Variants in GFRA1 observed in about 807,000 individuals in gnomAD.
The protein encoded by GFRA1 is GDNF family receptor alpha-1.
GFRA1 carries 16 observed loss-of-function variants against 51.6 expected under a neutral mutation model. That is an observed-to-expected ratio of 0.31 (90% CI 0.21 to 0.47). The LOEUF is 0.47. Ranked by LOEUF, GFRA1 falls within the 20% of genes least tolerant of loss-of-function variation. The pLI is 1.00. For missense variants in GFRA1, 530 were observed against 594.3 expected, an observed-to-expected ratio of 0.89 and a Z score of 1.13; for synonymous variants, 270 against 241.3, an observed-to-expected ratio of 1.12 and a Z score of -1.10.
rs1168472505 is a variant in GFRA1 at position 116,059,882 on chromosome 10, C to T, written c.*4516G>A. On this transcript the variant is annotated 3_prime_UTR_variant, in exon 11 of 11. Transcript: ENST00000355422. ...ATCATCTGGCTCCTGAGAGAGGCTT[C>T]TCTGTCTTAAAATATATCTGTTGGA... The T allele has an allele frequency of 6.6e-6, 1 of 152,164 alleles. No homozygotes were observed. Among genetic ancestry groups the T allele is most frequent in the African/African-American group, 2.4e-5 (1 of 41,432 alleles). The allele number at this position is 152,164 out of a possible 1,614,324, so 9.4% of individuals were successfully genotyped here.
intron 4 of GFRA1, among the ~76,000 whole-genome samples, chr10:116,241,330 C>T (rs750073526): frequency 6.6e-6 from 1 of 152,096 alleles, no homozygotes; most frequent in Non-Finnish European, 1.5e-5. Flanking sequence ...TGGAAGAAGC[C>T]GAGAAAACAG....
chr10:116,127,425 G>T (rs904612321), intron 5 of GFRA1, among the ~76,000 whole-genome samples: 5 of 152,166 alleles, frequency 3.3e-5, no homozygotes, highest in Non-Finnish European at 7.3e-5. Flanking sequence ...ATTCCCTGGC[G>T]CCATGAGTCA....
chr10:116,179,425 T>C (rs1181742149), intron 5 of GFRA1, among the ~76,000 whole-genome samples: 2 of 152,218 alleles, frequency 1.3e-5, no homozygotes, highest in Non-Finnish European at 2.9e-5. Context: ...CCAGAATTTA[T>C]GCTGCAGAGT....
At chr10:116,162,757 T>C (rs1959958728) in intron 5 of GFRA1, among the ~76,000 whole-genome samples, 1 of 152,074 alleles carries the variant, frequency 6.6e-6, no homozygotes, top group African/African-American at 2.4e-5. Context: ...AAAAACACTT[T>C]AAAGGGTGGG....
intron 4 of GFRA1, among the ~76,000 whole-genome samples, chr10:116,223,437 C>T (rs1322299943): frequency 1.3e-5 from 2 of 152,190 alleles, no homozygotes; most frequent in African/African-American, 2.4e-5. Context: ...GGCCTTTCTG[C>T]CAGAAGGTAG....
intron 5 of GFRA1, among the ~76,000 whole-genome samples, chr10:116,173,372 T>C (rs1224148684): frequency 6.6e-6 from 1 of 152,092 alleles, no homozygotes; most frequent in Non-Finnish European, 1.5e-5. Flanking sequence ...ATGATGTGGC[T>C]TTCATTTGAC....
intron 5 of GFRA1, among the ~76,000 whole-genome samples, chr10:116,131,432 A>T (rs1958097961): frequency 6.6e-6 from 1 of 152,174 alleles, no homozygotes; most frequent in African/African-American, 2.4e-5. Context: ...ACTTGAACAT[A>T]TGTCCACAAA....
intron 4 of GFRA1, chr10:116,255,768 C>T (rs2134725785): frequency 7.8e-7 from 1 of 1,284,382 alleles, no homozygotes; most frequent in Non-Finnish European, 1.0e-6. Context: ...ACTTTCTGGC[C>T]CACCACCATC....
intron 4 of GFRA1, among the ~76,000 whole-genome samples, chr10:116,253,303 C>T (rs1968542319): frequency 6.6e-6 from 1 of 152,214 alleles, no homozygotes; most frequent in African/African-American, 2.4e-5. Flanking sequence ...CCAGGGCAGG[C>T]ACCGGACAGA....
At chr10:116,212,523 AACACACACACAC>A (rs71010072) in intron 4 of GFRA1, among the ~76,000 whole-genome samples, 1,881 of 142,614 alleles carry the variant, frequency 0.013, 25 homozygotes, top group Non-Finnish European at 0.021. Flanking sequence ...TCCGTCTCAA[AACACACACACAC>A]ACACACACAC....
Position 116,108,152 on chromosome 10 carries a change from C to A in GFRA1, c.771-11388G>T, listed in dbSNP as rs143361851. ...AACAGAAACACATGAAAATGAGATT[C>A]CCTATTAATCTTTAATAGGCTTGCA... On this transcript the variant is annotated intron_variant, in intron 6 of 10. Transcript: ENST00000355422. 1.4e-3 allele frequency among the ~76,000 whole-genome samples: 214 copies of A among 152,196 alleles called. 1 individual carries two copies. Among genetic ancestry groups the A allele is most frequent in the African/African-American group, 5.1e-3 (210 of 41,520 alleles).
At chr10:116,197,417 T>A (rs370081481) in intron 5 of GFRA1, among the ~76,000 whole-genome samples, 5 of 152,140 alleles carry the variant, frequency 3.3e-5, no homozygotes, top group African/African-American at 1.2e-4. Flanking sequence ...TAAAGCTCAG[T>A]TGTTTATAAG....
rs761203359 is a variant in GFRA1, at chr10:116,272,054, GC to G, written c.-26del. On this transcript the variant is annotated 5_prime_UTR_variant, in exon 2 of 11. Coordinates refer to ENST00000355422, the MANE Select transcript of GFRA1 (RefSeq NM_005264.8). This position sits in a 1 kb window ranked among gnomAD's most constrained non-coding sequence, Gnocchi z 4.4. ...TGGTGCCGGCGCGGGGCTGGTCCCC[GC>G]CCCCCCAAAAAAATCCCGAGCCGCC... The G allele has an allele frequency of 1.9e-6, 3 of 1,545,206 alleles. No homozygotes were observed. The highest frequency in any genetic ancestry group is 1.4e-5 in the African/African-American group (1 of 72,848).
chr10:116,183,139 T>G (rs1419230183), intron 5 of GFRA1, among the ~76,000 whole-genome samples: 4 of 152,172 alleles, frequency 2.6e-5, no homozygotes, highest in Non-Finnish European at 5.9e-5. Context: ...CAGCAAGTGT[T>G]GATCAATTTC....
chr10:116,211,500 G>C, intron 5 of GFRA1, 131 bp downstream of exon 5: 1 of 808,464 alleles, frequency 1.2e-6, no homozygotes, highest in Non-Finnish European at 2.1e-6. Flanking sequence ...CTGTCCTCAT[G>C]GTGTCCCTGA....
At chr10:116,129,664 C>A (rs10736243) in intron 5 of GFRA1, among the ~76,000 whole-genome samples, 2,166 of 151,900 alleles carry the variant, frequency 0.014, 53 homozygotes, top group African/African-American at 0.049. Context: ...TCTAAAGAAT[C>A]TACAAAACAA....
intron 5 of GFRA1, among the ~76,000 whole-genome samples, chr10:116,183,978 C>T (rs538457069): frequency 6.6e-6 from 1 of 152,348 alleles, no homozygotes; most frequent in South Asian, 2.1e-4. Flanking sequence ...ACTCGGCCAG[C>T]TACCCTGCAC....
At chr10:116,146,358 A>AT (rs1341515996) in intron 5 of GFRA1, among the ~76,000 whole-genome samples, 6 of 152,252 alleles carry the variant, frequency 3.9e-5, no homozygotes, top group African/African-American at 1.4e-4. Flanking sequence ...TAGGAGAACC[A>AT]TATTAGTTTG....
intron 4 of GFRA1, among the ~76,000 whole-genome samples, chr10:116,224,057 G>T (rs1168114105): frequency 6.6e-6 from 1 of 152,110 alleles, no homozygotes; most frequent in Non-Finnish European, 1.5e-5. Flanking sequence ...GAACCTGCTG[G>T]CTCCTCAATC....
Sources: gnomAD v4.1 joint callset for allele counts (sites outside exome capture counted in the v4.1 genomes callset) on GRCh38, gnomAD v4.1.1 for gene constraint, Gnocchi (gnomAD v3.1) non-coding constraint, MANE v1.5 for transcripts, NCBI Gene and HGNC (gene_info 2026-07-23, HGNC 2026-07-21) for gene names.